Variants in CEP89 observed in about 807,000 individuals in gnomAD.
CEP89 encodes the protein centrosomal protein of 89 kDa.
In CEP89, 95 loss-of-function variants were observed where a neutral mutation model predicts 97.6. That is an observed-to-expected ratio of 0.97 (90% CI 0.82 to 1.15). The LOEUF (loss-of-function observed/expected upper bound fraction) is 1.15. Among genes scored for constraint, CEP89 ranks in the 50% most tolerant of loss-of-function variants. CEP89 has a pLI of 0.00. For missense variants in CEP89, 869 were observed against 947.7 expected (o/e 0.92, Z 1.09); for synonymous variants, 354 against 349.1 (o/e 1.01, Z -0.16).
At chr19:32,928,426 C>A (rs376518007) in intron 9 of CEP89, among the ~76,000 whole-genome samples, 1 of 152,014 alleles carries the variant, frequency 6.6e-6, no homozygotes, top group African/African-American at 2.4e-5. Context: ...GGATCACCTT[C>A]ATGCTTCTGA....
At position 32,881,950 on chromosome 19, in the gene CEP89, C is replaced by G. The variant is rs45470694; in HGVS notation, c.2029G>C (p.Glu677Gln). The G allele has an allele frequency of 7.5e-5, 120 of 1,596,524 alleles. 1 individual carries two copies. The highest frequency in any genetic ancestry group is 4.2e-4 in the Admixed American group (24 of 57,570). The change falls in exon 18 of 19, where the codon GAG becomes CAG. Residue 677 changes from glutamate to glutamine, a missense_variant. Physicochemically the swap from Glu to Gln is conservative, Grantham distance 29 (BLOSUM62 2). Transcript: ENST00000305768. ...DISHRLLEQQ[E>Q]DFAGKTAQYR... ...TGGGCTGTCTTGCCGGCGAAGTCCT[C>G]CTGCTGCTCCAGCAGACGGTGACTG...
Position 32,966,269 on chromosome 19 carries a change from T to C in CEP89, c.146+91A>G, listed in dbSNP as rs140640954. On this transcript the variant is annotated intron_variant, in intron 2 of 18. Coordinates refer to ENST00000305768, the MANE Select transcript of CEP89 (RefSeq NM_032816.5). ...GACATGATTCTAACCACCCTACTTATACTTTTCTGGGCAGTTTGAGCAGTT... is the reference window on the plus strand; with the variant it reads ...GACATGATTCTAACCACCCTACTTACACTTTTCTGGGCAGTTTGAGCAGTT... 118 of 563,130 alleles carry C rather than the reference T, an allele frequency of 2.1e-4. 1 individual carries two copies. The highest frequency in any genetic ancestry group is 2.0e-3 in the African/African-American group (105 of 51,838). The allele number at this position is 563,130 out of a possible 1,614,324, so 34.9% of individuals were successfully genotyped here. A position where few individuals can be genotyped will look rare whatever the true frequency, so the allele number is the denominator to read the frequency against.
intron 2 of CEP89, among the ~76,000 whole-genome samples, chr19:32,964,937 T>A (rs1236455107): frequency 6.6e-6 from 1 of 152,192 alleles, no homozygotes; most frequent in African/African-American, 2.4e-5. Flanking sequence ...CACAACAGCC[T>A]CACTGTTGCT....
chr19:32,918,490 C>T, intron 12 of CEP89, 151 bp from the exon 13 acceptor site: 1 of 634,436 alleles, frequency 1.6e-6, no homozygotes, highest in Non-Finnish European at 2.8e-6. Flanking sequence ...AGCAGCAAAT[C>T]CTGCCATTTG....
At chr19:32,962,858 G>A (rs148986033) in intron 2 of CEP89, among the ~76,000 whole-genome samples, 11 of 152,308 alleles carry the variant, frequency 7.2e-5, no homozygotes, top group Non-Finnish European at 1.3e-4. Context: ...GATGAAAAAT[G>A]TCATTGCCTC....
intron 14 of CEP89, among the ~76,000 whole-genome samples, chr19:32,902,321 G>A (rs1406955894): frequency 6.6e-6 from 1 of 152,040 alleles, no homozygotes; most frequent in African/African-American, 2.4e-5. Context: ...AACAATATAT[G>A]ATTTTAAGGT....
intron 9 of CEP89, among the ~76,000 whole-genome samples, chr19:32,928,158 T>C (rs1029156112): frequency 6.6e-6 from 1 of 151,932 alleles, no homozygotes; most frequent in African/African-American, 2.4e-5. Flanking sequence ...TCAAGTGATC[T>C]GCCCACCTCA....
chr19:32,897,858 G>C (rs967825242), intron 16 of CEP89, among the ~76,000 whole-genome samples: 1 of 152,160 alleles, frequency 6.6e-6, no homozygotes, highest in African/African-American at 2.4e-5. Flanking sequence ...CACCATGCCT[G>C]GCCTGAAATT....
intron 12 of CEP89, 60 bp downstream of exon 12, chr19:32,923,377 CAT>C: frequency 1.3e-6 from 1 of 777,846 alleles, no homozygotes; most frequent in Non-Finnish European, 2.2e-6. Context: ...AATTTTATAA[CAT>C]ATTTTCCTGT....
intron 14 of CEP89, among the ~76,000 whole-genome samples, chr19:32,913,252 CAT>C (rs1489545080): frequency 7.3e-5 from 11 of 150,120 alleles, no homozygotes; most frequent in Non-Finnish European, 1.5e-4. Context: ...CATACACACA[CAT>C]ACAAGATTCT....
chr19:32,953,867 C>CTTT, intron 3 of CEP89, 66 bp from the exon 4 acceptor site: 75 of 607,572 alleles, frequency 1.2e-4, no homozygotes, highest in South Asian at 1.8e-4. Context: ...TGATAAATAT[C>CTTT]TTTTTTTTTT....
intron 14 of CEP89, among the ~76,000 whole-genome samples, chr19:32,904,565 C>A (rs1969850201): frequency 6.6e-6 from 1 of 150,852 alleles, no homozygotes; most frequent in South Asian, 2.1e-4. Flanking sequence ...CTATCATTAC[C>A]TTAGTTTTCA....
chr19:32,899,547 C>G (rs576963955), intron 16 of CEP89, among the ~76,000 whole-genome samples: 1 of 152,250 alleles, frequency 6.6e-6, no homozygotes, highest in African/African-American at 2.4e-5. Flanking sequence ...TTAATCCTGG[C>G]AATACAGCAG....
intron 14 of CEP89, among the ~76,000 whole-genome samples, chr19:32,913,447 G>C (rs11671196): frequency 0.16 from 24,010 of 151,160 alleles, 2,168 homozygotes; most frequent in Non-Finnish European, 0.21. Flanking sequence ...ACCATACATA[G>C]GTATATATAT....
intron 7 of CEP89, among the ~76,000 whole-genome samples, chr19:32,934,064 G>A (rs770244784): frequency 6.6e-6 from 1 of 152,232 alleles, no homozygotes; most frequent in Non-Finnish European, 1.5e-5. Flanking sequence ...CCCAACAGCT[G>A]AGGGGCAGCA....
intron 9 of CEP89, among the ~76,000 whole-genome samples, chr19:32,927,930 T>TTTTTTTTTTTTTTTTC (rs1970396861): frequency 6.8e-6 from 1 of 147,488 alleles, no homozygotes. Flanking sequence ...TTTTTTTTTT[T>TTTTTTTTTTTTTTTTC]TTTTTGAGAC....
rs1970370355 is a variant in CEP89 at position 32,926,936 on chromosome 19, A to G, written c.1078T>C (p.Leu360=). ...GAAATTAAATAACTTTCACTTACCA[A>G]CCAGGGTGGTATAGGGCCCTTGGAT... ...LPSKGPIPPW[L]LDIKYLSPLL... Residue 360 remains leucine, a splice_region_variant and synonymous_variant, in exon 10 of 19, where the codon TTG becomes CTG. Coordinates refer to ENST00000305768, the MANE Select transcript of CEP89 (RefSeq NM_032816.5). 1.2e-6 allele frequency: 2 copies of G among 1,613,098 alleles called. No individual in the cohort carries two copies. Among genetic ancestry groups the G allele is most frequent in the African/African-American group, 1.3e-5 (1 of 74,918 alleles).
chr19:32,967,612 A>G (rs972965581), intron 1 of CEP89, among the ~76,000 whole-genome samples: 1 of 152,160 alleles, frequency 6.6e-6, no homozygotes, highest in African/African-American at 2.4e-5. Context: ...GGGAGGGAAG[A>G]TTCCTCCAGG....
intron 9 of CEP89, among the ~76,000 whole-genome samples, chr19:32,930,565 G>A (rs972673565): frequency 2.0e-5 from 3 of 152,032 alleles, no homozygotes; most frequent in South Asian, 2.1e-4. Context: ...GGAGAACACC[G>A]TGTGCCTTCC....
Sources: gnomAD v4.1 joint callset for allele counts (sites outside exome capture counted in the v4.1 genomes callset) on GRCh38, gnomAD v4.1.1 for gene constraint, MANE v1.5 for transcripts, NCBI Gene and HGNC (gene_info 2026-07-23, HGNC 2026-07-21) for gene names.